The following NFIB variants were observed in gnomAD, a reference collection of about 807,000 sequenced individuals.
NFIB encodes nuclear factor 1 B-type.
A neutral mutation model predicts 61.5 loss-of-function variants in NFIB; 11 were observed. The observed-to-expected ratio is 0.18, with a 90% CI of 0.11 to 0.30. NFIB has a LOEUF of 0.30. Ranked by LOEUF, NFIB falls within the 10% of genes least tolerant of loss-of-function variation. NFIB has a pLI of 1.00. For missense variants in NFIB, 471 were observed against 608.9 expected (o/e 0.77, Z 2.38); for synonymous variants, 260 against 216.5 (o/e 1.20, Z -1.76).
chr9:14,329,228 G>A (rs189416816), intron 1 of NFIB, among the ~76,000 whole-genome samples: 2 of 152,292 alleles, frequency 1.3e-5, no homozygotes, highest in African/African-American at 4.8e-5. Context: ...CTAGTTAGTT[G>A]CAGTGCCAGC....
At chr9:14,428,998 G>T in the NFIB span, among the ~76,000 whole-genome samples, 46,096 of 152,012 alleles carry the variant, frequency 0.3, 7,491 homozygotes, top group South Asian at 0.49. Context: ...TCTTGACCGG[G>T]ACCTCCCTGC....
chr9:14,264,695 G>T (rs963642279), intron 2 of NFIB, among the ~76,000 whole-genome samples: 1 of 151,646 alleles, frequency 6.6e-6, no homozygotes, highest in Non-Finnish European at 1.5e-5. Context: ...ATTTTCAACA[G>T]ACTCTATTTC....
chr9:14,196,670 A>AT (rs2048504393), intron 2 of NFIB, among the ~76,000 whole-genome samples: 1 of 135,272 alleles, frequency 7.4e-6, no homozygotes, highest in African/African-American at 2.8e-5. Context: ...TTTTACTCCC[A>AT]ATTCTCTTAT....
At chr9:14,266,164 C>A (rs981653102) in intron 2 of NFIB, among the ~76,000 whole-genome samples, 10 of 152,218 alleles carry the variant, frequency 6.6e-5, no homozygotes, top group African/African-American at 1.7e-4. Context: ...TCCTTGACAG[C>A]TCCACTGGCT....
chr9:14,341,526 G>T lies in NFIB; in HGVS notation c.109-34006C>A, dbSNP rs1472798301. ...GGATCAGAAGTGCTGGGAAGGGACTGTGAGGGACTGGCCACCTCCCCAGCA... is the reference window on the plus strand; with the variant it reads ...GGATCAGAAGTGCTGGGAAGGGACTTTGAGGGACTGGCCACCTCCCCAGCA... On this transcript the variant is annotated intron_variant, in intron 1 of 8. Transcript: ENST00000380934. Among the ~76,000 whole-genome samples, 3 of 152,180 alleles carry T rather than the reference G, an allele frequency of 2.0e-5. No homozygotes were observed. The East Asian group carries it at 5.8e-4, about 29-fold the overall frequency.
chr9:14,153,801 C>T (rs943005186), intron 4 of NFIB, among the ~76,000 whole-genome samples: 1 of 152,048 alleles, frequency 6.6e-6, no homozygotes, highest in African/African-American at 2.4e-5. Flanking sequence ...ACTTAGCAAA[C>T]CCCTATTTCA....
chr9:14,479,446 T>C, the NFIB span, among the ~76,000 whole-genome samples: 2 of 152,206 alleles, frequency 1.3e-5, no homozygotes, highest in South Asian at 2.1e-4. Context: ...TTTGGCCACA[T>C]TGCTTCTGAC....
intron 1 of NFIB, among the ~76,000 whole-genome samples, chr9:14,348,945 C>T (rs573168424): frequency 6.6e-6 from 1 of 152,364 alleles, no homozygotes; most frequent in East Asian, 1.9e-4. Context: ...GGGCTCCCGC[C>T]CCCACCTTGC....
At chr9:14,269,969 T>C (rs1042223320) in intron 2 of NFIB, among the ~76,000 whole-genome samples, 1 of 152,178 alleles carries the variant, frequency 6.6e-6, no homozygotes, top group Non-Finnish European at 1.5e-5. Context: ...TTTTACATTA[T>C]ATATTTTGGA....
At chr9:14,219,403 A>AAAAAAAAAAAT (rs1369447098) in intron 2 of NFIB, among the ~76,000 whole-genome samples, 1 of 151,040 alleles carries the variant, frequency 6.6e-6, no homozygotes, top group Non-Finnish European at 1.5e-5. Context: ...AAAAAAAAAA[A>AAAAAAAAAAAT]AGTCTAAGTT....
intron 1 of NFIB, among the ~76,000 whole-genome samples, chr9:14,395,556 A>G (rs1038945581): frequency 1.3e-5 from 2 of 151,762 alleles, no homozygotes; most frequent in Non-Finnish European, 2.9e-5. Context: ...CTTAATCCAC[A>G]CTAAAATAAA....
the NFIB span, among the ~76,000 whole-genome samples, chr9:14,454,175 T>G: frequency 6.6e-6 from 1 of 152,226 alleles, no homozygotes; most frequent in Non-Finnish European, 1.5e-5. Context: ...CCAGTCCAAA[T>G]ACAAGTTGTC....
At chr9:14,215,541 G>C (rs1482739406) in intron 2 of NFIB, among the ~76,000 whole-genome samples, 1 of 152,148 alleles carries the variant, frequency 6.6e-6, no homozygotes, top group African/African-American at 2.4e-5. Context: ...CTATTGCAAA[G>C]AAAGTTGAAA....
the NFIB span, among the ~76,000 whole-genome samples, chr9:14,511,019 T>G: frequency 1.2e-4 from 19 of 152,340 alleles, no homozygotes; most frequent in South Asian, 3.7e-3. Context: ...GGGATGATTT[T>G]GTCAATAAAT....
At chr9:14,463,550 G>T in the NFIB span, among the ~76,000 whole-genome samples, 2 of 151,764 alleles carry the variant, frequency 1.3e-5, no homozygotes, top group African/African-American at 4.8e-5. Flanking sequence ...TCCCCTCCTT[G>T]CAGAGTGGCA....
chr9:14,411,787 T>G, the NFIB span, among the ~76,000 whole-genome samples: 1 of 152,126 alleles, frequency 6.6e-6, no homozygotes, highest in Admixed American at 6.5e-5. Flanking sequence ...TTAAGGCTGG[T>G]CTGTTACCAA....
At chr9:14,231,120 GAAAA>G (rs1188458970) in intron 2 of NFIB, among the ~76,000 whole-genome samples, 9 of 65,798 alleles carry the variant, frequency 1.4e-4, no homozygotes, top group African/African-American at 2.9e-4. Flanking sequence ...TTTCCATGGG[GAAAA>G]AAAAAAAAAA....
chr9:14,339,539 G>A (rs954909524), intron 1 of NFIB, among the ~76,000 whole-genome samples: 2 of 151,988 alleles, frequency 1.3e-5, no homozygotes, highest in African/African-American at 2.4e-5. Flanking sequence ...CATGGCTCTT[G>A]CTGCTCTCAC....
chr9:14,485,509 T>G, the NFIB span, among the ~76,000 whole-genome samples: 2 of 152,318 alleles, frequency 1.3e-5, no homozygotes, highest in South Asian at 4.1e-4. Context: ...GGCATCTACT[T>G]ATTCAATAAA....
Sources: gnomAD v4.1 joint callset for allele counts (sites outside exome capture counted in the v4.1 genomes callset) on GRCh38, gnomAD v4.1.1 for gene constraint, MANE v1.5 for transcripts, NCBI Gene and HGNC (gene_info 2026-07-23, HGNC 2026-07-21) for gene names.